The following RANBP3 variants were observed in gnomAD, a reference collection of about 807,000 sequenced individuals.
RANBP3 encodes ran-binding protein 3.
A neutral mutation model predicts 77.3 loss-of-function variants in RANBP3; 14 were observed. That is an observed-to-expected ratio of 0.18 (90% CI 0.12 to 0.28). The LOEUF (loss-of-function observed/expected upper bound fraction) is 0.28. Among genes scored for constraint, RANBP3 ranks in the 10% least tolerant of loss-of-function variants. The probability of loss-of-function intolerance (pLI) is 1.00; values close to 1 mark genes in which losing one functional copy is unlikely to be tolerated. For missense variants in RANBP3, 586 were observed against 752.3 expected (o/e 0.78, Z 2.59); for synonymous variants, 315 against 312.4 (o/e 1.01, Z -0.09).
chr19:5,951,481 G>A lies in RANBP3; in HGVS notation c.194C>T (p.Pro65Leu), dbSNP rs759047244. 6.2e-7 allele frequency: 1 copy of A among 1,610,408 alleles called. No individual in the cohort carries two copies. The highest frequency in any genetic ancestry group is 8.5e-7 in the Non-Finnish European group (1 of 1,178,050). Residue 65 changes from proline to leucine, a missense_variant, in exon 3 of 17, where the codon CCT (proline) becomes CTT (leucine). Physicochemically the swap from Pro to Leu is moderately conservative, Grantham distance 98 (BLOSUM62 -3). Transcript: ENST00000340578. ...GGCTGAGGCGCCAGCAGGGGCAGGA[G>A]GTTCTAGGGCATGCTCGCCAGCTGA... is the stretch of plus-strand genomic sequence containing the variant. Reference protein sequence around the residue: ...PESAGEHALEPPAPAGASAST... With the variant: ...PESAGEHALELPAPAGASAST...
intron 3 of RANBP3, among the ~76,000 whole-genome samples, chr19:5,948,245 T>C (rs1275488340): frequency 6.6e-6 from 1 of 152,062 alleles, no homozygotes; most frequent in Non-Finnish European, 1.5e-5. Context: ...GGTCAGGAGA[T>C]TGAGACCATC....
chr19:5,960,154 G>A (rs1045740912), intron 1 of RANBP3, among the ~76,000 whole-genome samples: 2 of 151,974 alleles, frequency 1.3e-5, no homozygotes, highest in African/African-American at 4.8e-5. Flanking sequence ...CAGAGGGAGG[G>A]GGAAGACTAA....
chr19:5,964,068 A>G (rs1189658983), intron 1 of RANBP3, among the ~76,000 whole-genome samples: 1 of 152,178 alleles, frequency 6.6e-6, no homozygotes, highest in Non-Finnish European at 1.5e-5. Context: ...ATCCGGGCCC[A>G]CGGTGCTGGC....
intron 1 of RANBP3, among the ~76,000 whole-genome samples, chr19:5,969,681 G>A (rs1387317389): frequency 6.6e-6 from 1 of 152,220 alleles, no homozygotes; most frequent in Non-Finnish European, 1.5e-5. Context: ...GGAGACAGGC[G>A]CACTGGCCCT....
intron 1 of RANBP3, among the ~76,000 whole-genome samples, chr19:5,966,918 T>A (rs1343156852): frequency 2.0e-5 from 3 of 152,228 alleles, no homozygotes; most frequent in African/African-American, 7.2e-5. Flanking sequence ...ATGGAAAGCA[T>A]CTCGCCAACA....
At chr19:5,963,451 C>T (rs1258977651) in intron 1 of RANBP3, among the ~76,000 whole-genome samples, 1 of 151,962 alleles carries the variant, frequency 6.6e-6, no homozygotes, top group Non-Finnish European at 1.5e-5. Context: ...CTTGGGAGGC[C>T]GAGGTGGGAG....
chr19:5,940,965 T>A (rs1336345361), intron 5 of RANBP3, among the ~76,000 whole-genome samples: 3 of 152,244 alleles, frequency 2.0e-5, no homozygotes, highest in Non-Finnish European at 4.4e-5. Context: ...CCAGCCTGCA[T>A]GAGTCCCCAG....
intron 5 of RANBP3, 156 bp from the exon 6 acceptor site, chr19:5,933,635 G>A (rs559491063): frequency 8.5e-5 from 49 of 574,030 alleles, no homozygotes; most frequent in African/African-American, 4.2e-4. Context: ...AGTCTCGTCC[G>A]ATCAGCAGGC....
chr19:5,920,082 C>T (rs79572756), intron 14 of RANBP3, among the ~76,000 whole-genome samples: 1 of 152,138 alleles, frequency 6.6e-6, no homozygotes, highest in African/African-American at 2.4e-5. Flanking sequence ...GGCCAGAAGA[C>T]ACTTTGATTT....
At chr19:5,925,802 T>C in intron 9 of RANBP3, 65 bp from the exon 10 acceptor site, 2 of 1,314,898 alleles carry the variant, frequency 1.5e-6, no homozygotes. Flanking sequence ...CACAGCTCAG[T>C]GTCTGCAGAC....
At chr19:5,968,281 C>G (rs143026679) in intron 1 of RANBP3, among the ~76,000 whole-genome samples, 2 of 152,204 alleles carry the variant, frequency 1.3e-5, no homozygotes, top group East Asian at 1.9e-4. Context: ...CTGGAGAGCG[C>G]GGGCTCTGGT....
chr19:5,962,758 CA>C, intron 1 of RANBP3: 1 of 455,980 alleles, frequency 2.2e-6, no homozygotes, highest in Non-Finnish European at 4.4e-6. Context: ...CTACTCAGGC[CA>C]AAGGTTGATC....
At position 5,937,302 on chromosome 19, in the gene RANBP3, TA is replaced by T. The variant is rs549615642; in HGVS notation, c.407-3824del. Among the ~76,000 whole-genome samples, 598 of 152,070 alleles carry T rather than the reference TA, an allele frequency of 3.9e-3. 3 individuals carry two copies. The highest frequency in any genetic ancestry group is 6.9e-3 in the Non-Finnish European group (470 of 67,996). ...GAGGAGCACGGCCACCCCGTGCTGG[TA>T]AGGGGACAAGTGAGTACTGTGCATG... On this transcript the variant is annotated intron_variant, in intron 5 of 16. Coordinates refer to ENST00000340578, the MANE Select transcript of RANBP3 (RefSeq NM_007322.3).
chr19:5,956,993 G>C (rs1231880675), intron 2 of RANBP3, among the ~76,000 whole-genome samples: 2 of 151,612 alleles, frequency 1.3e-5, no homozygotes, highest in Non-Finnish European at 3.0e-5. Context: ...CTGGGCATCA[G>C]TGGGACTGCT....
At chr19:5,950,335 C>A (rs1310011626) in intron 3 of RANBP3, among the ~76,000 whole-genome samples, 2 of 152,242 alleles carry the variant, frequency 1.3e-5, no homozygotes, top group Admixed American at 6.5e-5. Flanking sequence ...TTACCTCCCC[C>A]ACACCCATAG....
At chr19:5,977,981 C>T (rs2058617825) in intron 1 of RANBP3, 80 bp downstream of exon 1, 4 of 1,567,120 alleles carry the variant, frequency 2.6e-6, no homozygotes, top group East Asian at 4.7e-5. Flanking sequence ...TGCGGTGCTC[C>T]CCCCAAGGGC....
In RANBP3 at chr19:5,925,153, C is replaced by T. The variant is rs201630432; in HGVS notation, c.918-248G>A. ...GGAAGCCACCTTCCACCTGCTCTAC[C>T]CGCCCATCTCCCAGTCGGGACACGC... On this transcript the variant is annotated intron_variant, in intron 10 of 16. Transcript: ENST00000340578. 2.4e-4 allele frequency: 129 copies of T among 545,054 alleles called. 2 individuals are homozygous for T. In the East Asian group the frequency reaches 3.1e-3, roughly 13 times the overall value. The allele number at this position is 545,054 out of a possible 1,614,324, so 33.8% of individuals were successfully genotyped here.
At chr19:5,953,558 G>C (rs1248613319) in intron 2 of RANBP3, among the ~76,000 whole-genome samples, 2 of 152,084 alleles carry the variant, frequency 1.3e-5, no homozygotes, top group Non-Finnish European at 2.9e-5. Flanking sequence ...CAACCTCAAA[G>C]CCTCCCCACT....
intron 2 of RANBP3, 43 bp downstream of exon 2, chr19:5,957,875 A>C: frequency 4.4e-6 from 7 of 1,605,486 alleles, no homozygotes; most frequent in Non-Finnish European, 5.1e-6. Flanking sequence ...AGAGAGAACA[A>C]ATTAGAGTAA....
Sources: gnomAD v4.1 joint callset for allele counts (sites outside exome capture counted in the v4.1 genomes callset) on GRCh38, gnomAD v4.1.1 for gene constraint, MANE v1.5 for transcripts, NCBI Gene and HGNC (gene_info 2026-07-23, HGNC 2026-07-21) for gene names.